Variants in ADAMTSL1 observed in about 807,000 individuals in gnomAD.
The protein encoded by ADAMTSL1 is ADAMTS-like protein 1.
ADAMTSL1 carries 126 observed loss-of-function variants against 201.8 expected under a neutral mutation model. The observed-to-expected ratio is 0.62, with a 90% confidence interval of 0.54 to 0.72. The LOEUF (loss-of-function observed/expected upper bound fraction) is 0.72. ADAMTSL1 is among the 30% of genes least tolerant of loss of function. ADAMTSL1 has a pLI of 0.00. For synonymous variants in ADAMTSL1, 1,121 were observed against 903.4 expected (o/e 1.24, Z -4.32); for missense variants, 2,679 against 2,277.8 (o/e 1.18, Z -3.59).
chr9:18,340,255 T>C (rs1835416046), intron 2 of ADAMTSL1, among the ~76,000 whole-genome samples: 1 of 152,216 alleles, frequency 6.6e-6, no homozygotes, highest in Non-Finnish European at 1.5e-5. Flanking sequence ...TCTCAGATTC[T>C]GTCTTATGCT....
chr9:18,083,877 G>T (rs1238404098), intron 1 of ADAMTSL1, among the ~76,000 whole-genome samples: 1 of 152,140 alleles, frequency 6.6e-6, no homozygotes, highest in Admixed American at 6.5e-5. Flanking sequence ...TACTACCTTA[G>T]AAAATTCTTT....
At chr9:17,974,287 GA>G (rs1444540647) in intron 1 of ADAMTSL1, among the ~76,000 whole-genome samples, 1 of 151,944 alleles carries the variant, frequency 6.6e-6, no homozygotes, top group African/African-American at 2.4e-5. Context: ...ATTCAATGAG[GA>G]AAAGAGGAAG....
intron 1 of ADAMTSL1, among the ~76,000 whole-genome samples, chr9:18,496,745 C>G (rs181926526): frequency 6.6e-6 from 1 of 152,206 alleles, no homozygotes; most frequent in African/African-American, 2.4e-5. Flanking sequence ...TTCCAAACCC[C>G]AACATGTGCT....
intron 9 of ADAMTSL1, among the ~76,000 whole-genome samples, chr9:18,663,833 C>T (rs1053969936): frequency 2.6e-4 from 39 of 152,212 alleles, no homozygotes; most frequent in African/African-American, 9.1e-4. Context: ...ATCTTTCTTG[C>T]CTCTGATTTT....
chr9:18,622,225 A>G lies in ADAMTSL1; in HGVS notation c.475-18A>G, dbSNP rs1166819030. On this transcript the variant is annotated intron_variant, in intron 4 of 28. Transcript: ENST00000380548. ...CGGTAGGTGCTTGGTTGAATTACAC[A>G]TCTCTCTTTCTTGTTAGATTGTTGG... 5.0e-6 allele frequency: 8 copies of G among 1,612,688 alleles called. No individual in the cohort carries two copies. Among genetic ancestry groups the G allele is most frequent in the Non-Finnish European group, 6.8e-6 (8 of 1,179,260 alleles).
chr9:18,469,545 A>G (rs1054043904), upstream of ADAMTSL1, among the ~76,000 whole-genome samples: 3 of 152,276 alleles, frequency 2.0e-5, no homozygotes, highest in African/African-American at 7.2e-5. Flanking sequence ...ACAGAAACAC[A>G]TCACCATGGG....
chr9:18,528,810 A>T (rs1195504847), intron 2 of ADAMTSL1, among the ~76,000 whole-genome samples: 2 of 152,114 alleles, frequency 1.3e-5, no homozygotes, highest in Non-Finnish European at 2.9e-5. Flanking sequence ...TATAGTTTAT[A>T]TTGGGAGGAC....
At chr9:18,488,812 G>C (rs146787851) in intron 1 of ADAMTSL1, among the ~76,000 whole-genome samples, 1 of 152,112 alleles carries the variant, frequency 6.6e-6, no homozygotes, top group South Asian at 2.1e-4. Context: ...GTTTTGCCTC[G>C]TAACTACAGT....
chr9:18,723,186 A>T (rs768833596), intron 15 of ADAMTSL1: 103 of 706,438 alleles, frequency 1.5e-4, no homozygotes, highest in Non-Finnish European at 2.5e-4. Flanking sequence ...ATGATCTGAG[A>T]TCCCATGACT....
intron 2 of ADAMTSL1, among the ~76,000 whole-genome samples, chr9:18,254,604 C>T (rs1831606442): frequency 6.6e-6 from 1 of 151,642 alleles, no homozygotes; most frequent in African/African-American, 2.4e-5. Context: ...ACTTCGTGAT[C>T]CGCCCGCCTC....
chr9:18,313,554 C>T (rs1324504179), intron 2 of ADAMTSL1, among the ~76,000 whole-genome samples: 1 of 152,136 alleles, frequency 6.6e-6, no homozygotes, highest in Non-Finnish European at 1.5e-5. Context: ...TTTTTAAAAG[C>T]TCTCCAAGAA....
intron 1 of ADAMTSL1, among the ~76,000 whole-genome samples, chr9:18,133,891 A>G (rs997195400): frequency 6.6e-6 from 1 of 152,208 alleles, no homozygotes; most frequent in African/African-American, 2.4e-5. Context: ...CCATGATACA[A>G]TATTACATCT....
At chr9:18,412,493 C>G (rs1818486700) in intron 2 of ADAMTSL1, among the ~76,000 whole-genome samples, 1 of 152,170 alleles carries the variant, frequency 6.6e-6, no homozygotes, top group Non-Finnish European at 1.5e-5. Flanking sequence ...AGAACATTTC[C>G]TTGTCAACTT....
In ADAMTSL1 at chr9:18,886,180, A is replaced by G. The variant is rs1215513402; in HGVS notation, c.4250-1651A>G. Reference sequence around the variant, plus strand: ...AGTGTGTATGTGTATATATATATATATATATATATATATATATATATATAT... The same window carrying G: ...AGTGTGTATGTGTATATATATATATGTATATATATATATATATATATATAT... On this transcript the variant is annotated intron_variant, in intron 23 of 28. Transcript: ENST00000380548. 9.2e-4 allele frequency among the ~76,000 whole-genome samples: 108 copies of G among 117,278 alleles called. 2 individuals carry two copies. Among genetic ancestry groups the G allele is most frequent in the South Asian group, 6.5e-3 (19 of 2,904 alleles). 76.9% of individuals were successfully genotyped at this position (117,278 alleles called of 152,430 possible).
intron 1 of ADAMTSL1, among the ~76,000 whole-genome samples, chr9:18,152,299 T>C (rs1429201536): frequency 6.6e-6 from 1 of 151,930 alleles, no homozygotes; most frequent in Non-Finnish European, 1.5e-5. Flanking sequence ...TAAGGACTGA[T>C]GAGATTTTAG....
chr9:18,408,118 A>G (rs1818280328), intron 2 of ADAMTSL1, among the ~76,000 whole-genome samples: 1 of 152,202 alleles, frequency 6.6e-6, no homozygotes, highest in African/African-American at 2.4e-5. Context: ...TTAGAAACAT[A>G]GATAATTTTC....
At chr9:18,582,906 A>T (rs949468827) in intron 4 of ADAMTSL1, among the ~76,000 whole-genome samples, 2 of 151,728 alleles carry the variant, frequency 1.3e-5, no homozygotes, top group Non-Finnish European at 2.9e-5. Flanking sequence ...AATAAAATAA[A>T]ATAAAAAGGG....
intron 9 of ADAMTSL1, among the ~76,000 whole-genome samples, chr9:18,672,028 C>T (rs1191888820): frequency 6.6e-6 from 1 of 151,900 alleles, no homozygotes; most frequent in Admixed American, 6.6e-5. Context: ...CAGAGTGAGA[C>T]TCCATCTCAA....
intron 2 of ADAMTSL1, among the ~76,000 whole-genome samples, chr9:18,215,313 A>G (rs1045972174): frequency 7.9e-5 from 12 of 152,232 alleles, no homozygotes; most frequent in African/African-American, 2.9e-4. Context: ...TGATGATTCA[A>G]AAAAGATTAT....
Sources: gnomAD v4.1 joint callset for allele counts (sites outside exome capture counted in the v4.1 genomes callset) on GRCh38, gnomAD v4.1.1 for gene constraint, MANE v1.5 for transcripts, NCBI Gene and HGNC (gene_info 2026-07-23, HGNC 2026-07-21) for gene names.